PAPOLA: variants seen among roughly 807,000 people sequenced by gnomAD.
PAPOLA encodes the protein poly(A) polymerase alpha.
Under a neutral mutation model 100.6 loss-of-function variants are expected in PAPOLA, and 15 were observed. That is an observed-to-expected ratio of 0.15 (90% CI 0.10 to 0.23). The LOEUF is 0.23. PAPOLA is among the 10% of genes least tolerant of loss of function. The probability of loss-of-function intolerance (pLI) is 1.00; values close to 1 mark genes in which losing one functional copy is unlikely to be tolerated. For synonymous variants in PAPOLA, 293 were observed against 300.0 expected (o/e 0.98, Z 0.24); for missense variants, 533 against 884.2 (o/e 0.60, Z 5.04).
rs1245902333 is a variant in PAPOLA at position 96,556,381 on chromosome 14, G to A, written c.1972G>A (p.Glu658Lys). Reference protein sequence around the residue: ...GVKRTSSPHKEESPKKTKTEE... With the variant: ...GVKRTSSPHKKESPKKTKTEE... Reference sequence around the variant, plus strand: ...CAAGAGGACATCCTCACCTCATAAAGAAGAGAGTCCCAAGAAAACCAAAAC... The same window carrying A: ...CAAGAGGACATCCTCACCTCATAAAAAAGAGAGTCCCAAGAAAACCAAAAC... Residue 658 changes from glutamate (E) to lysine (K), a missense_variant, in exon 19 of 22, where the codon GAA (glutamate) becomes AAA (lysine). By Grantham distance (56) the Glu-to-Lys change is moderately conservative. Around this residue, in one of 9 missense-constraint regions of PAPOLA, gnomAD observed 242 missense variants for 281.0 expected, o/e 0.86. Transcript: ENST00000216277. 1.2e-6 allele frequency: 2 copies of A among 1,613,434 alleles called. No homozygotes were observed. Among genetic ancestry groups the A allele is most frequent in the Admixed American group, 1.7e-5 (1 of 59,988 alleles).
chr14:96,522,112 C>CTTTTTTTTTTTTTTTTTTTTTTTTTT (rs1350167869), intron 3 of PAPOLA, among the ~76,000 whole-genome samples: 1 of 98,710 alleles, frequency 1.0e-5, no homozygotes, highest in Non-Finnish European at 1.9e-5. Flanking sequence ...CTCTTTCTTT[C>CTTTTTTTTTTTTTTTTTTTTTTTTTT]TTTCTTTTTT....
rs1238453496 is a variant in PAPOLA at position 96,565,094 on chromosome 14, TG to T, written c.*45del. 3 of 967,620 alleles carry T rather than the reference TG, an allele frequency of 3.1e-6. No individual in the cohort carries two copies. Among genetic ancestry groups the T allele is most frequent in the Non-Finnish European group, 5.1e-6 (3 of 590,896 alleles). The allele number at this position is 967,620 out of a possible 1,614,324, so 59.9% of individuals were successfully genotyped here. A position where few individuals can be genotyped will look rare whatever the true frequency, so the allele number is the denominator to read the frequency against. On this transcript the variant is annotated 3_prime_UTR_variant, in exon 22 of 22. Coordinates refer to ENST00000216277, the MANE Select transcript of PAPOLA (RefSeq NM_032632.5). ...ATAAACAATATCTGCCAACTCAACC[TG>T]TTGTCTTCAAATGCTAAAAAAGGAG...
At chr14:96,528,040 T>G in intron 6 of PAPOLA, 34 bp downstream of exon 6, 1 of 1,399,344 alleles carries the variant, frequency 7.1e-7, no homozygotes, top group Non-Finnish European at 1.0e-6. Context: ...GTTCTTGCTA[T>G]GTGCTGTCAC....
intron 3 of PAPOLA, 74 bp from the exon 4 acceptor site, chr14:96,525,236 C>T (rs1006909345): frequency 8.6e-6 from 6 of 701,146 alleles, no homozygotes; most frequent in South Asian, 3.5e-5. Flanking sequence ...TCCACTCCCT[C>T]ACCCCAGTAT....
At chr14:96,503,159 G>A (rs989419353) in intron 1 of PAPOLA, among the ~76,000 whole-genome samples, 24 of 152,216 alleles carry the variant, frequency 1.6e-4, no homozygotes, top group African/African-American at 5.5e-4. Flanking sequence ...AGGAGCACGA[G>A]TTAAAAGCCC....
At chr14:96,517,564 TG>T (rs563558381) in intron 1 of PAPOLA, among the ~76,000 whole-genome samples, 2 of 152,030 alleles carry the variant, frequency 1.3e-5, no homozygotes, top group East Asian at 3.9e-4. Flanking sequence ...TCAATAAAAC[TG>T]GGGGAAAAAA....
At chr14:96,512,656 C>G (rs1326227371) in intron 1 of PAPOLA, among the ~76,000 whole-genome samples, 1 of 152,056 alleles carries the variant, frequency 6.6e-6, no homozygotes, top group Non-Finnish European at 1.5e-5. Flanking sequence ...TTTTTTTTCT[C>G]CTGATACACA....
intron 9 of PAPOLA, chr14:96,533,199 C>G: frequency 1.0e-6 from 1 of 982,796 alleles, no homozygotes; most frequent in Non-Finnish European, 1.2e-6. Context: ...CGTTTCATTT[C>G]CACATATGTC....
At chr14:96,549,824 G>T (rs1255498818) in intron 16 of PAPOLA, among the ~76,000 whole-genome samples, 1 of 152,092 alleles carries the variant, frequency 6.6e-6, no homozygotes, top group Non-Finnish European at 1.5e-5. Context: ...TAAATCAATT[G>T]TACTTAAATG....
At chr14:96,528,407 T>C (rs1288307421) in intron 6 of PAPOLA, among the ~76,000 whole-genome samples, 3 of 152,326 alleles carry the variant, frequency 2.0e-5, no homozygotes, top group African/African-American at 4.8e-5. Context: ...TATCTTCCGA[T>C]AGGGGAGGAT....
At chr14:96,552,777 A>G (rs961501083) in intron 17 of PAPOLA, 155 bp downstream of exon 17, 2 of 672,610 alleles carry the variant, frequency 3.0e-6, no homozygotes, top group Non-Finnish European at 4.9e-6. Flanking sequence ...AGGTTTGGGG[A>G]TAGTACTTTT....
chr14:96,555,844 TAGCAGA>T lies in PAPOLA; in HGVS notation c.1665-1_1669del. 1 of 1,452,674 alleles carries T rather than the reference TAGCAGA, an allele frequency of 6.9e-7. No individual in the cohort carries two copies. Among genetic ancestry groups the T allele is most frequent in the Non-Finnish European group, 9.3e-7 (1 of 1,076,932 alleles). 90.0% of individuals were successfully genotyped at this position (1,452,674 alleles called of 1,614,324 possible). The stretch of plus-strand genomic sequence containing the variant: ...AGACAATTTTTAATTTTTTTTTTTT[TAGCAGA>T]AACAGTCCTGCTCCAGCTGTAACAG... On this transcript the variant is annotated splice_acceptor_variant and coding_sequence_variant, in exon 18 of 22. Coordinates refer to ENST00000216277, the MANE Select transcript of PAPOLA (RefSeq NM_032632.5). LOFTEE classifies it high-confidence loss of function.
chr14:96,526,147 TG>T (rs751219405), intron 4 of PAPOLA: 4 of 152,338 alleles, frequency 2.6e-5, no homozygotes, highest in Middle Eastern at 3.4e-3. Flanking sequence ...ACAATAAAAA[TG>T]TTACCTCGGC....
intron 17 of PAPOLA, among the ~76,000 whole-genome samples, chr14:96,554,610 A>AAGAG (rs898412749): frequency 6.6e-6 from 1 of 151,802 alleles, no homozygotes; most frequent in African/African-American, 2.4e-5. Context: ...GAGAGAGAGA[A>AAGAG]AGAGAGACAG....
chr14:96,552,381 C>T (rs1039623906), intron 16 of PAPOLA, 99 bp from the exon 17 acceptor site: 3 of 1,122,948 alleles, frequency 2.7e-6, no homozygotes, highest in Non-Finnish European at 3.9e-6. Context: ...GTGATCTGTG[C>T]TTTTCAGTAA....
chr14:96,552,790 G>A, intron 17 of PAPOLA, 168 bp downstream of exon 17: 1 of 592,494 alleles, frequency 1.7e-6, no homozygotes, highest in Non-Finnish European at 2.9e-6. Flanking sequence ...GTACTTTTTG[G>A]TTTTGTCTTG....
At chr14:96,505,851 C>A (rs1358613419) in intron 1 of PAPOLA, among the ~76,000 whole-genome samples, 1 of 152,254 alleles carries the variant, frequency 6.6e-6, no homozygotes, top group East Asian at 1.9e-4. Context: ...AGGCAGAGAA[C>A]CGGTATTGTA....
At chr14:96,524,759 A>G (rs561080834) in intron 3 of PAPOLA, among the ~76,000 whole-genome samples, 7 of 152,276 alleles carry the variant, frequency 4.6e-5, no homozygotes, top group South Asian at 2.1e-4. Flanking sequence ...GGCTCAAGCA[A>G]TTGGCCCGTC....
rs986916115 is a variant in PAPOLA at position 96,560,572 on chromosome 14, T to G, written c.2005-77T>G. 6 of 917,040 alleles carry G rather than the reference T, an allele frequency of 6.5e-6. No individual in the cohort carries two copies. The African/African-American group carries it at 8.3e-5, about 13-fold the overall frequency. The allele number at this position is 917,040 out of a possible 1,614,324, so 56.8% of individuals were successfully genotyped here. A position where few individuals can be genotyped will look rare whatever the true frequency, so the allele number is the denominator to read the frequency against. Reference sequence around the variant, plus strand: ...TTTAATTATTTTATAGTTTTAAAGTTTATAAAGTAAAGCATTGATTGGCAA... The same window carrying G: ...TTTAATTATTTTATAGTTTTAAAGTGTATAAAGTAAAGCATTGATTGGCAA... On this transcript the variant is annotated intron_variant, in intron 19 of 21. Transcript: ENST00000216277.
Sources: allele counts gnomAD v4.1 joint callset (sites outside exome capture counted in the v4.1 genomes callset), GRCh38; gene constraint gnomAD v4.1.1; regional missense constraint gnomAD v4.1.1; transcripts MANE v1.5; gene names NCBI Gene and HGNC (gene_info 2026-07-23, HGNC 2026-07-21).